The following EPHA6 variants were observed in gnomAD, a reference collection of about 807,000 sequenced individuals.
EPHA6 encodes the protein ephrin type-A receptor 6.
EPHA6 carries 50 observed loss-of-function variants against 112.0 expected under a neutral mutation model. The ratio of observed to expected loss-of-function variants is 0.45; its 90% CI spans 0.36 to 0.56. EPHA6 has a LOEUF of 0.56. Ranked by LOEUF, EPHA6 falls within the 20% of genes least tolerant of loss-of-function variation. EPHA6 has a pLI of 0.00. For synonymous variants in EPHA6, 529 were observed against 490.7 expected (o/e 1.08, Z -1.03); for missense variants, 1,280 against 1,417.4 (o/e 0.90, Z 1.56).
intron 1 of EPHA6, among the ~76,000 whole-genome samples, chr3:96,859,362 G>A (rs900328789): frequency 6.7e-6 from 1 of 149,682 alleles, no homozygotes; most frequent in African/African-American, 2.5e-5. Context: ...TTACTAAAGT[G>A]TTTACCTCTG....
At chr3:96,930,951 C>G (rs1299705079) in intron 2 of EPHA6, among the ~76,000 whole-genome samples, 2 of 116,902 alleles carry the variant, frequency 1.7e-5, no homozygotes, top group African/African-American at 6.6e-5. Context: ...AAGGTCACAA[C>G]ATTGCACTAC....
intron 17 of EPHA6, among the ~76,000 whole-genome samples, chr3:97,747,795 T>C (rs2035777789): frequency 6.6e-6 from 1 of 152,084 alleles, no homozygotes; most frequent in Admixed American, 6.6e-5. Context: ...ATTTTAAATG[T>C]TTTCTAAAAT....
At chr3:97,090,375 C>A (rs543012278) in intron 3 of EPHA6, among the ~76,000 whole-genome samples, 1 of 152,084 alleles carries the variant, frequency 6.6e-6, no homozygotes, top group African/African-American at 2.4e-5. Flanking sequence ...ACTTGTAGAT[C>A]ACACTATAAA....
rs1277086583 is a variant in EPHA6, at chr3:96,814,636, T to C, written c.13T>C (p.Ser5Pro). ...GACACTGTGGTGGATGCAATTCCCC[T>C]CGCCTCCAGCCGCGAGGAGCTCCCC... is the stretch of plus-strand genomic sequence containing the variant. Reference protein sequence around the residue: MQFPSPPAARSSPAP... With the variant: MQFPPPPAARSSPAP... Residue 5 changes from serine (S) to proline (P), a missense_variant, in exon 1 of 18, where the codon TCG (serine) becomes CCG (proline). Physicochemically the swap from Ser to Pro is moderately conservative, Grantham distance 74 (BLOSUM62 -1). Around this residue, in one of 4 missense-constraint regions of EPHA6, gnomAD observed 220 missense variants for 171.5 expected, o/e 1.28. Coordinates refer to ENST00000389672, the MANE Select transcript of EPHA6 (RefSeq NM_001080448.3). 3.4e-6 allele frequency: 5 copies of C among 1,468,258 alleles called. No individual in the cohort carries two copies. The highest frequency in any genetic ancestry group is 3.6e-6 in the Non-Finnish European group (4 of 1,110,540). 91.0% of individuals were successfully genotyped at this position (1,468,258 alleles called of 1,614,324 possible). A position where few individuals can be genotyped will look rare whatever the true frequency, so the allele number is the denominator to read the frequency against.
chr3:97,012,709 C>A (rs534829978), intron 3 of EPHA6, among the ~76,000 whole-genome samples: 13 of 150,510 alleles, frequency 8.6e-5, no homozygotes, highest in Non-Finnish European at 1.9e-4. Flanking sequence ...ATCTGCCCCC[C>A]TCGGCCTCTC....
chr3:97,731,000 T>C (rs1266314277), intron 15 of EPHA6, among the ~76,000 whole-genome samples: 3 of 152,110 alleles, frequency 2.0e-5, no homozygotes, highest in Non-Finnish European at 4.4e-5. Context: ...GGGAGGAACA[T>C]GATCACAGTT....
At chr3:97,269,763 A>G (rs1199277472) in intron 5 of EPHA6, among the ~76,000 whole-genome samples, 2 of 151,768 alleles carry the variant, frequency 1.3e-5, no homozygotes, top group Admixed American at 1.3e-4. Flanking sequence ...TTCTCTTCCA[A>G]CAAAGTCCCA....
At chr3:97,145,490 G>A (rs1320635665) in intron 3 of EPHA6, among the ~76,000 whole-genome samples, 1 of 147,964 alleles carries the variant, frequency 6.8e-6, no homozygotes, top group Non-Finnish European at 1.5e-5. Context: ...GATTTTCCTA[G>A]TTTAAATTTT....
chr3:96,939,185 C>T (rs2040786911), intron 2 of EPHA6, among the ~76,000 whole-genome samples: 1 of 152,150 alleles, frequency 6.6e-6, no homozygotes, highest in Non-Finnish European at 1.5e-5. Flanking sequence ...GGAATGGTAC[C>T]AGCTCCTCCT....
intron 5 of EPHA6, among the ~76,000 whole-genome samples, chr3:97,283,530 T>G (rs1212327322): frequency 6.6e-6 from 1 of 152,094 alleles, no homozygotes; most frequent in Non-Finnish European, 1.5e-5. Context: ...TTAAATGAAA[T>G]GGTGATTATA....
chr3:97,115,044 A>T (rs916656069), intron 3 of EPHA6, among the ~76,000 whole-genome samples: 1 of 151,974 alleles, frequency 6.6e-6, no homozygotes, highest in Non-Finnish European at 1.5e-5. Flanking sequence ...GACTTGCAAT[A>T]TAGTTGGAAA....
chr3:96,817,125 G>A (rs2032856778), intron 1 of EPHA6, among the ~76,000 whole-genome samples: 1 of 151,750 alleles, frequency 6.6e-6, no homozygotes, highest in Admixed American at 6.6e-5. Context: ...AGTACCTGAA[G>A]GTTAAATTGG....
chr3:97,342,019 T>G (rs1577033839), intron 5 of EPHA6, among the ~76,000 whole-genome samples: 1 of 152,172 alleles, frequency 6.6e-6, no homozygotes, highest in Non-Finnish European at 1.5e-5. Flanking sequence ...TCAAGTTTTC[T>G]GTAACATAGA....
At chr3:97,349,492 C>A (rs892264624) in intron 5 of EPHA6, among the ~76,000 whole-genome samples, 3 of 151,962 alleles carry the variant, frequency 2.0e-5, no homozygotes, top group African/African-American at 4.8e-5. Context: ...AAAACAATAG[C>A]AACTCAAAAT....
At chr3:97,603,737 T>C (rs1369689493) in intron 12 of EPHA6, among the ~76,000 whole-genome samples, 3 of 151,948 alleles carry the variant, frequency 2.0e-5, no homozygotes, top group African/African-American at 4.8e-5. Context: ...TGTTATAGTA[T>C]GTTATTTAAA....
At chr3:97,008,513 C>G (rs546784806) in intron 3 of EPHA6, among the ~76,000 whole-genome samples, 2 of 152,284 alleles carry the variant, frequency 1.3e-5, no homozygotes, top group Admixed American at 1.3e-4. Flanking sequence ...GTTCCTCTAA[C>G]CTTTTATCAA....
chr3:97,344,700 G>T (rs900679322), intron 5 of EPHA6, among the ~76,000 whole-genome samples: 2 of 152,176 alleles, frequency 1.3e-5, no homozygotes, highest in Non-Finnish European at 2.9e-5. Flanking sequence ...CCATGCCATT[G>T]TCAGTACGTG....
intron 10 of EPHA6, among the ~76,000 whole-genome samples, chr3:97,488,954 T>C (rs1210068884): frequency 6.6e-6 from 1 of 152,208 alleles, no homozygotes; most frequent in Non-Finnish European, 1.5e-5. Flanking sequence ...TATATTATGA[T>C]ATGAATGAAA....
At chr3:97,741,309 T>G (rs1303250815) in intron 16 of EPHA6, among the ~76,000 whole-genome samples, 4 of 151,928 alleles carry the variant, frequency 2.6e-5, no homozygotes, top group Non-Finnish European at 5.9e-5. Context: ...ACTATGATCA[T>G]GACACTACAC....
Sources: allele counts gnomAD v4.1 joint callset (sites outside exome capture counted in the v4.1 genomes callset), GRCh38; gene constraint gnomAD v4.1.1; regional missense constraint gnomAD v4.1.1; transcripts MANE v1.5; gene names NCBI Gene and HGNC (gene_info 2026-07-23, HGNC 2026-07-21).